DLG2: variants seen among roughly 807,000 people sequenced by gnomAD.
DLG2 encodes the protein disks large homolog 2.
Under a neutral mutation model 132.5 loss-of-function variants are expected in DLG2, and 45 were observed. The ratio of observed to expected loss-of-function variants is 0.34; its 90% CI spans 0.27 to 0.44. The LOEUF is 0.44. Ranked by LOEUF, DLG2 falls within the 20% of genes least tolerant of loss-of-function variation. The pLI is 1.00. For synonymous variants in DLG2, 424 were observed against 419.6 expected (o/e 1.01, Z -0.13); for missense variants, 1,045 against 1,196.9 (o/e 0.87, Z 1.87).
intron 3 of DLG2, among the ~76,000 whole-genome samples, chr11:85,488,913 T>G (rs909675631): frequency 2.0e-5 from 3 of 151,640 alleles, no homozygotes; most frequent in African/African-American, 7.3e-5. Context: ...ACACAAAGTA[T>G]AAAACTCATT....
At chr11:85,124,688 A>G (rs903058615) in intron 5 of DLG2, among the ~76,000 whole-genome samples, 1 of 152,246 alleles carries the variant, frequency 6.6e-6, no homozygotes, top group Non-Finnish European at 1.5e-5. Context: ...TCAGGTAGCT[A>G]TAATCATGGG....
chr11:84,788,100 C>CAAAAAAAAAAAAAAAAAAAAAAAAA (rs139086655), intron 6 of DLG2, among the ~76,000 whole-genome samples: 1 of 45,666 alleles, frequency 2.2e-5, no homozygotes, highest in African/African-American at 1.0e-4. Context: ...GAATATGTCT[C>CAAAAAAAAAAAAAAAAAAAAAAAAA]AAAAAAAAAA....
chr11:85,003,965 G>A (rs1314711641), intron 6 of DLG2, among the ~76,000 whole-genome samples: 1 of 152,142 alleles, frequency 6.6e-6, no homozygotes, highest in East Asian at 1.9e-4. Flanking sequence ...GTGAGAACAT[G>A]CGGTATTTGG....
At chr11:84,365,401 CT>C (rs1323557239) in intron 7 of DLG2, among the ~76,000 whole-genome samples, 490 of 150,794 alleles carry the variant, frequency 3.2e-3, no homozygotes, top group African/African-American at 0.011. Context: ...ATTCTTCTCT[CT>C]TTTTTTTTAA....
At chr11:84,963,765 C>T (rs139646210) in intron 6 of DLG2, among the ~76,000 whole-genome samples, 1 of 152,258 alleles carries the variant, frequency 6.6e-6, no homozygotes, top group African/African-American at 2.4e-5. Flanking sequence ...TTATCATCAT[C>T]ATTACAATCT....
At chr11:84,486,231 G>A (rs1434722677) in intron 7 of DLG2, among the ~76,000 whole-genome samples, 2 of 152,094 alleles carry the variant, frequency 1.3e-5, no homozygotes, top group Non-Finnish European at 2.9e-5. Context: ...TATTATCTGT[G>A]AGTAGGCCCT....
chr11:84,789,249 A>C (rs184880019), intron 6 of DLG2, among the ~76,000 whole-genome samples: 1 of 152,254 alleles, frequency 6.6e-6, no homozygotes, highest in East Asian at 1.9e-4. Context: ...AGTTTCACCC[A>C]ATCTGCAGTC....
At chr11:83,961,808 A>G (rs968839419) in intron 14 of DLG2, among the ~76,000 whole-genome samples, 1 of 152,068 alleles carries the variant, frequency 6.6e-6, no homozygotes, top group Non-Finnish European at 1.5e-5. Context: ...CGCAGCCCTC[A>G]TTTTAATTAA....
At chr11:85,059,044 T>A (rs1248806852) in intron 6 of DLG2, among the ~76,000 whole-genome samples, 1 of 151,340 alleles carries the variant, frequency 6.6e-6, no homozygotes, top group Non-Finnish European at 1.5e-5. Context: ...AGTTCAAAAG[T>A]CGCCGTTAGA....
In DLG2 at chr11:85,092,950, G is replaced by C. The variant is rs1165269019; in HGVS notation, c.357+18711C>G. On this transcript the variant is annotated intron_variant, in intron 6 of 27. Transcript: ENST00000376104. ...ACCACTACGCCCAGCTACATGTGATGTTTTGATATAGGCATGCAATGTGAA... is the reference window on the plus strand; with the variant it reads ...ACCACTACGCCCAGCTACATGTGATCTTTTGATATAGGCATGCAATGTGAA... Among the ~76,000 whole-genome samples the C allele has an allele frequency of 2.0e-5, 3 of 152,124 alleles. No homozygotes were observed. In the East Asian group the frequency reaches 5.8e-4, roughly 29 times the overall value.
intron 8 of DLG2, among the ~76,000 whole-genome samples, chr11:84,243,726 T>C (rs1356056694): frequency 6.6e-6 from 1 of 152,216 alleles, no homozygotes; most frequent in Admixed American, 6.5e-5. Context: ...AGGTAAGCCA[T>C]GGACCTATGT....
intron 21 of DLG2, chr11:83,486,125 C>T: frequency 1.7e-6 from 1 of 585,852 alleles, no homozygotes; most frequent in Non-Finnish European, 3.0e-6. Flanking sequence ...TGTCCAAAAA[C>T]AAGGTTGAGA....
intron 11 of DLG2, among the ~76,000 whole-genome samples, chr11:83,987,884 T>C (rs1365204284): frequency 3.9e-5 from 6 of 152,162 alleles, no homozygotes; most frequent in Non-Finnish European, 7.4e-5. Context: ...TCTCTAATGA[T>C]TACTGATGTT....
At chr11:84,602,375 A>G (rs1050112360) in intron 6 of DLG2, among the ~76,000 whole-genome samples, 3 of 151,978 alleles carry the variant, frequency 2.0e-5, no homozygotes, top group South Asian at 2.1e-4. Flanking sequence ...TCATAAAGGT[A>G]TTAAGTAACA....
chr11:84,020,344 G>GTA (rs1449439077), intron 11 of DLG2, among the ~76,000 whole-genome samples: 2 of 152,008 alleles, frequency 1.3e-5, no homozygotes, highest in African/African-American at 4.8e-5. Context: ...TGATATGTGT[G>GTA]TATATATATT....
chr11:85,035,637 G>T (rs1287996720), intron 6 of DLG2, among the ~76,000 whole-genome samples: 1 of 152,052 alleles, frequency 6.6e-6, no homozygotes, highest in African/African-American at 2.4e-5. Flanking sequence ...ATTTTGATGG[G>T]ATACAGAGCC....
Position 84,613,215 on chromosome 11 carries a change from G to A in DLG2, c.358-78484C>T, listed in dbSNP as rs577502123. On this transcript the variant is annotated intron_variant, in intron 6 of 27. Transcript: ENST00000376104. Reference sequence around the variant, plus strand: ...CAGAATGTTCAGGAAAACCAAATCAGGAAGGAAATATCGGTATTTTATATT... The same window carrying A: ...CAGAATGTTCAGGAAAACCAAATCAAGAAGGAAATATCGGTATTTTATATT... 3.3e-5 allele frequency among the ~76,000 whole-genome samples: 5 copies of A among 152,094 alleles called. No individual in the cohort carries two copies. The East Asian group carries it at 9.7e-4, about 29-fold the overall frequency.
At chr11:85,455,285 A>G (rs1446166023) in intron 3 of DLG2, among the ~76,000 whole-genome samples, 1 of 152,068 alleles carries the variant, frequency 6.6e-6, no homozygotes, top group Non-Finnish European at 1.5e-5. Context: ...TTTTCTGGCA[A>G]TTGTAAACGG....
At chr11:84,547,466 C>T (rs1356320746) in intron 6 of DLG2, among the ~76,000 whole-genome samples, 1 of 152,070 alleles carries the variant, frequency 6.6e-6, no homozygotes, top group Non-Finnish European at 1.5e-5. Flanking sequence ...TTACTGAGCA[C>T]CACTTCTATG....
Sources: allele counts gnomAD v4.1 joint callset (sites outside exome capture counted in the v4.1 genomes callset), GRCh38; gene constraint gnomAD v4.1.1; transcripts MANE v1.5; gene names NCBI Gene and HGNC (gene_info 2026-07-23, HGNC 2026-07-21).